LRRC4C: variants seen among roughly 807,000 people sequenced by gnomAD.
LRRC4C encodes the protein leucine rich repeat containing 4C, also known as leucine-rich repeat-containing protein 4C.
A neutral mutation model predicts 33.6 loss-of-function variants in LRRC4C; 5 were observed. That is an observed-to-expected ratio of 0.15 (90% confidence interval 0.08 to 0.31). LRRC4C has a LOEUF of 0.31. Ranked by LOEUF, LRRC4C falls within the 10% of genes least tolerant of loss-of-function variation. The pLI is 1.00. For missense variants in LRRC4C, 560 were observed against 796.7 expected, an observed-to-expected ratio of 0.70 and a Z score of 3.58; for synonymous variants, 329 against 302.0, an observed-to-expected ratio of 1.09 and a Z score of -0.93.
intron 1 of LRRC4C, among the ~76,000 whole-genome samples, chr11:41,214,573 T>TACAAAAAAAAAAAAAAAAAAA (rs1946959636): frequency 5.2e-5 from 1 of 19,388 alleles, no homozygotes; most frequent in African/African-American, 2.8e-4. Flanking sequence ...CTACTAAAAA[T>TACAAAAAAAAAAAAAAAAAAA]ACAAAAAAAA....
chr11:40,309,602 C>T (rs1945203597), intron 4 of LRRC4C, among the ~76,000 whole-genome samples: 1 of 151,738 alleles, frequency 6.6e-6, no homozygotes, highest in East Asian at 2.0e-4. Flanking sequence ...ACCTCTACGA[C>T]TCAAGTGATT....
At chr11:40,885,057 A>T (rs2136055816) in intron 2 of LRRC4C, among the ~76,000 whole-genome samples, 1 of 152,136 alleles carries the variant, frequency 6.6e-6, no homozygotes, top group South Asian at 2.1e-4. Context: ...TTCTGGTTAC[A>T]CTAAAAGCCC....
At chr11:41,234,590 T>G (rs1947939198) in intron 1 of LRRC4C, among the ~76,000 whole-genome samples, 1 of 152,046 alleles carries the variant, frequency 6.6e-6, no homozygotes, top group Non-Finnish European at 1.5e-5. Flanking sequence ...AACATTAATA[T>G]CCATGCTTGA....
chr11:41,114,800 G>A (rs937565679), intron 1 of LRRC4C, among the ~76,000 whole-genome samples: 4 of 152,026 alleles, frequency 2.6e-5, no homozygotes, highest in Non-Finnish European at 5.9e-5. Flanking sequence ...ATCAAAGAAA[G>A]TAGTAAATGA....
At chr11:41,098,371 A>G (rs1450898061) in intron 1 of LRRC4C, among the ~76,000 whole-genome samples, 2 of 152,148 alleles carry the variant, frequency 1.3e-5, no homozygotes, top group Non-Finnish European at 2.9e-5. Context: ...AAATTATTGT[A>G]ATCTAAAATT....
At chr11:41,354,263 C>G (rs773197013) in intron 1 of LRRC4C, among the ~76,000 whole-genome samples, 2 of 152,056 alleles carry the variant, frequency 1.3e-5, no homozygotes, top group Non-Finnish European at 2.9e-5. Context: ...AGAACACAAT[C>G]ACATTCACAA....
At chr11:40,897,333 G>C (rs1955990577) in intron 2 of LRRC4C, among the ~76,000 whole-genome samples, 2 of 152,058 alleles carry the variant, frequency 1.3e-5, no homozygotes, top group African/African-American at 2.4e-5. Flanking sequence ...TAAGCATAGG[G>C]GATGGTTTCC....
chr11:40,392,824 G>T (rs1353361750), intron 3 of LRRC4C, among the ~76,000 whole-genome samples: 3 of 151,798 alleles, frequency 2.0e-5, no homozygotes, highest in Non-Finnish European at 4.4e-5. Context: ...ATAAATAAAT[G>T]ATTATTTGCT....
At chr11:40,776,973 G>T (rs536302460) in intron 2 of LRRC4C, among the ~76,000 whole-genome samples, 1 of 151,980 alleles carries the variant, frequency 6.6e-6, no homozygotes, top group African/African-American at 2.4e-5. Context: ...TGCCTTAATT[G>T]AATTTTTATC....
At chr11:41,123,013 A>C (rs1376568031) in intron 1 of LRRC4C, 2 of 152,092 alleles carry the variant, frequency 1.3e-5, no homozygotes, top group Non-Finnish European at 2.9e-5. Flanking sequence ...CTAAGTGAGC[A>C]CTATACTAAA....
At chr11:40,528,646 C>T (rs770258595) in intron 3 of LRRC4C, among the ~76,000 whole-genome samples, 1 of 151,758 alleles carries the variant, frequency 6.6e-6, no homozygotes, top group African/African-American at 2.4e-5. Flanking sequence ...GAGTATATAC[C>T]CAAATGAACT....
intron 3 of LRRC4C, among the ~76,000 whole-genome samples, chr11:40,401,648 C>T (rs923361536): frequency 8.5e-5 from 13 of 152,128 alleles, no homozygotes; most frequent in African/African-American, 2.9e-4. Flanking sequence ...CAGTTCATTT[C>T]TTCTGACTGG....
chr11:40,464,368 C>CAGCCA (rs1952554003), intron 3 of LRRC4C, among the ~76,000 whole-genome samples: 1 of 151,858 alleles, frequency 6.6e-6, no homozygotes, highest in Admixed American at 6.6e-5. Context: ...CAGCCAACAT[C>CAGCCA]ATACTGCATG....
chr11:41,159,432 G>A (rs1052073853), intron 1 of LRRC4C, among the ~76,000 whole-genome samples: 5 of 152,028 alleles, frequency 3.3e-5, no homozygotes, highest in African/African-American at 7.2e-5. Flanking sequence ...AGTGCTAAAG[G>A]GCAGAGAAAA....
At chr11:40,887,892 T>C (rs1187952083) in intron 2 of LRRC4C, among the ~76,000 whole-genome samples, 1 of 152,020 alleles carries the variant, frequency 6.6e-6, no homozygotes, top group African/African-American at 2.4e-5. Flanking sequence ...ATTAACATTA[T>C]AATGGAAATC....
chr11:41,266,843 G>A (rs1949167213), intron 1 of LRRC4C, among the ~76,000 whole-genome samples: 1 of 152,086 alleles, frequency 6.6e-6, no homozygotes, highest in African/African-American at 2.4e-5. Context: ...ATTTAGGCAA[G>A]TGCACAACCA....
intron 6 of LRRC4C, among the ~76,000 whole-genome samples, chr11:40,121,732 G>T (rs542648636): frequency 1.8e-4 from 27 of 152,314 alleles, no homozygotes; most frequent in African/African-American, 4.3e-4. Context: ...GAAAGAGTTA[G>T]CTAACGGAGA....
intron 1 of LRRC4C, among the ~76,000 whole-genome samples, chr11:40,947,864 ACAGTGGTAGGGT>A (rs1958478659): frequency 6.6e-6 from 1 of 152,104 alleles, no homozygotes; most frequent in South Asian, 2.1e-4. Flanking sequence ...ATAAGCTGGG[ACAGTGGTAGGGT>A]CTTCATTTGT....
At chr11:40,922,318 C>G (rs1957216928) in intron 2 of LRRC4C, among the ~76,000 whole-genome samples, 1 of 152,144 alleles carries the variant, frequency 6.6e-6, no homozygotes, top group Non-Finnish European at 1.5e-5. Flanking sequence ...AAATGTTTGA[C>G]TTTTCTTCGC....
Sources: allele counts gnomAD v4.1 joint callset (sites outside exome capture counted in the v4.1 genomes callset), GRCh38; gene constraint gnomAD v4.1.1; transcripts MANE v1.5; gene names NCBI Gene and HGNC (gene_info 2026-07-23, HGNC 2026-07-21).